Variants in EXOC6B observed in about 807,000 individuals in gnomAD.
The protein encoded by EXOC6B is SEC15 homolog B.
A neutral mutation model predicts 113.5 loss-of-function variants in EXOC6B; 54 were observed. The observed-to-expected ratio is 0.48, with a 90% confidence interval of 0.38 to 0.60. EXOC6B has a LOEUF of 0.60. EXOC6B is among the 20% of genes least tolerant of loss of function. EXOC6B has a pLI of 0.00. For synonymous variants in EXOC6B, 357 were observed against 339.0 expected, an observed-to-expected ratio of 1.05 and a Z score of -0.58; for missense variants, 797 against 977.5, an observed-to-expected ratio of 0.82 and a Z score of 2.46.
At chr2:72,731,349 A>G in intron 3 of EXOC6B, 104 bp from the exon 4 acceptor site, 1 of 855,472 alleles carries the variant, frequency 1.2e-6, no homozygotes, top group Non-Finnish European at 1.9e-6. Context: ...AATCCCAGAC[A>G]GTTTCATAGT....
chr2:72,631,457 TATATAGAGAGAG>T (rs1672447061), intron 6 of EXOC6B, among the ~76,000 whole-genome samples: 9 of 10,610 alleles, frequency 8.5e-4, no homozygotes, highest in Admixed American at 1.6e-3. Context: ...TATATATATA[TATATAGAGAGAG>T]AGAGAGAGAG....
chr2:72,404,543 T>C (rs1463066518), intron 18 of EXOC6B, among the ~76,000 whole-genome samples: 1 of 152,310 alleles, frequency 6.6e-6, no homozygotes, highest in East Asian at 1.9e-4. Context: ...CAGCATTTGC[T>C]GTTCACCAAT....
chr2:72,486,261 C>T (rs1296654387), intron 16 of EXOC6B, among the ~76,000 whole-genome samples: 1 of 151,402 alleles, frequency 6.6e-6, no homozygotes, highest in African/African-American at 2.4e-5. Context: ...CCCAGCTACT[C>T]GGGAGGCTGA....
chr2:72,476,864 T>C (rs954879409), intron 17 of EXOC6B, among the ~76,000 whole-genome samples: 7 of 152,240 alleles, frequency 4.6e-5, no homozygotes, highest in African/African-American at 1.7e-4. Flanking sequence ...TATTTTATCA[T>C]TTAATCTTTG....
chr2:72,373,047 A>G (rs988849601), intron 19 of EXOC6B, among the ~76,000 whole-genome samples: 1 of 151,800 alleles, frequency 6.6e-6, no homozygotes, highest in Middle Eastern at 3.4e-3. Context: ...ACTCTTCAGG[A>G]TATCAGTCTC....
At chr2:72,797,500 G>C (rs2105065404) in intron 1 of EXOC6B, among the ~76,000 whole-genome samples, 1 of 152,268 alleles carries the variant, frequency 6.6e-6, no homozygotes, top group East Asian at 1.9e-4. Flanking sequence ...GAATGGATTG[G>C]AGGGAAAAGA....
In EXOC6B at chr2:72,733,093, T is replaced by G. The variant is rs768835874; in HGVS notation, c.305A>C (p.Lys102Thr). ...TACTTCCTTTCCCTCATGTTGTAGT[T>G]TTCTATTAGTATCCGTCACTTGATT... ...LKNQVTDTNR[K>T]LQHEGKELVI... Residue 102 changes from lysine (K) to threonine (T), a missense_variant, in exon 3 of 22, where the codon AAA (lysine) becomes ACA (threonine). Lys to Thr is a moderately conservative substitution (Grantham distance 78, BLOSUM62 -1). Transcript: ENST00000272427. The G allele has an allele frequency of 6.3e-7, 1 of 1,594,080 alleles. No homozygotes were observed. Among genetic ancestry groups the G allele is most frequent in the Non-Finnish European group, 8.6e-7 (1 of 1,168,460 alleles).
chr2:72,192,499 A>G (rs1273596330), intron 20 of EXOC6B, among the ~76,000 whole-genome samples: 1 of 152,200 alleles, frequency 6.6e-6, no homozygotes, highest in Non-Finnish European at 1.5e-5. Context: ...GAAGACACCT[A>G]TGACTAGTGA....
chr2:72,453,707 T>C (rs1223033554), intron 18 of EXOC6B, among the ~76,000 whole-genome samples: 3 of 152,204 alleles, frequency 2.0e-5, no homozygotes, highest in African/African-American at 7.2e-5. Context: ...TTGCTGATAT[T>C]AGCAATGATG....
At chr2:72,571,601 A>G (rs1404257379) in intron 7 of EXOC6B, among the ~76,000 whole-genome samples, 5 of 152,198 alleles carry the variant, frequency 3.3e-5, no homozygotes. Context: ...AGCAATCATT[A>G]AGAGACTGAC....
intron 20 of EXOC6B, among the ~76,000 whole-genome samples, chr2:72,265,239 T>TTTATTATTATTATTATTA (rs58637794): frequency 8.1e-4 from 119 of 146,874 alleles, no homozygotes; most frequent in Middle Eastern, 3.6e-3. Flanking sequence ...TAACTATTCT[T>TTTATTATTATTATTATTA]TTATTATTAT....
chr2:72,487,555 T>A (rs1363239322), intron 16 of EXOC6B, among the ~76,000 whole-genome samples: 1 of 152,132 alleles, frequency 6.6e-6, no homozygotes, highest in Non-Finnish European at 1.5e-5. Flanking sequence ...GAGACGGGGT[T>A]TCGCCATGTT....
intron 20 of EXOC6B, among the ~76,000 whole-genome samples, chr2:72,189,464 G>A (rs1448194878): frequency 6.6e-6 from 1 of 152,106 alleles, no homozygotes; most frequent in Non-Finnish European, 1.5e-5. Context: ...TTAAGATGTT[G>A]TCTGATTTCT....
intron 6 of EXOC6B, among the ~76,000 whole-genome samples, chr2:72,677,169 C>T (rs1349657077): frequency 1.3e-5 from 2 of 152,024 alleles, no homozygotes; most frequent in Non-Finnish European, 2.9e-5. Context: ...TCTCAGCTAG[C>T]GTAATATAAA....
chr2:72,493,329 C>T (rs1040805944), intron 15 of EXOC6B, among the ~76,000 whole-genome samples: 8 of 145,808 alleles, frequency 5.5e-5, no homozygotes, highest in Admixed American at 2.0e-4. Context: ...TCCCCCCCCC[C>T]CCCCCGCATT....
At chr2:72,352,017 T>C (rs1023595325) in intron 19 of EXOC6B, among the ~76,000 whole-genome samples, 11 of 152,186 alleles carry the variant, frequency 7.2e-5, no homozygotes, top group Admixed American at 6.5e-4. Context: ...GTACATACTA[T>C]TGCCTTTCAG....
intron 19 of EXOC6B, among the ~76,000 whole-genome samples, 161 bp downstream of exon 19, chr2:72,379,567 TG>T (rs1341680579): frequency 2.0e-5 from 3 of 152,222 alleles, no homozygotes; most frequent in Non-Finnish European, 4.4e-5. Context: ...ATTAGCTTGC[TG>T]ATAAACTCTA....
chr2:72,726,749 A>G (rs1273694615), intron 5 of EXOC6B, among the ~76,000 whole-genome samples: 3 of 152,176 alleles, frequency 2.0e-5, no homozygotes, highest in Non-Finnish European at 4.4e-5. Flanking sequence ...ATTTGGTGTA[A>G]TATTTAAAGA....
chr2:72,711,687 T>A (rs1320965443), intron 6 of EXOC6B, among the ~76,000 whole-genome samples: 2 of 152,190 alleles, frequency 1.3e-5, no homozygotes, highest in Non-Finnish European at 2.9e-5. Flanking sequence ...ATCATTACTC[T>A]TGCACTTTGG....
Sources: gnomAD v4.1 joint callset for allele counts (sites outside exome capture counted in the v4.1 genomes callset) on GRCh38, gnomAD v4.1.1 for gene constraint, MANE v1.5 for transcripts, NCBI Gene and HGNC (gene_info 2026-07-23, HGNC 2026-07-21) for gene names.